MKRN2OS: variants seen among roughly 807,000 people sequenced by gnomAD.
The protein encoded by MKRN2OS is MKRN2 opposite strand protein.
MKRN2OS carries 17 observed loss-of-function variants against 18.2 expected under a neutral mutation model. The ratio of observed to expected loss-of-function variants is 0.93; its 90% CI spans 0.64 to 1.40. The LOEUF (loss-of-function observed/expected upper bound fraction) is 1.40, where lower values mean the gene tolerates loss of function less well. MKRN2OS is among the 40% of genes most tolerant of loss of function. The probability of loss-of-function intolerance (pLI) is 0.00; values close to 1 mark genes in which losing one functional copy is unlikely to be tolerated. For missense variants in MKRN2OS, 337 were observed against 283.0 expected, an observed-to-expected ratio of 1.19 and a Z score of -1.37; for synonymous variants, 121 against 108.5, an observed-to-expected ratio of 1.12 and a Z score of -0.72.
At chr3:12,550,672 G>C (rs1390232834), downstream of MKRN2OS, among the ~76,000 whole-genome samples, 1 of 152,116 alleles carries the variant, frequency 6.6e-6, no homozygotes, top group Non-Finnish European at 1.5e-5. Flanking sequence ...TTTCACTGCT[G>C]CTGTAAAACT....
At chr3:12,542,731 A>C (rs970223807) in intron 2 of MKRN2OS, among the ~76,000 whole-genome samples, 19 of 151,808 alleles carry the variant, frequency 1.3e-4, no homozygotes, top group African/African-American at 1.7e-4. Context: ...AAAAAAAAAA[A>C]AAACACTGCA....
At chr3:12,542,321 G>A (rs1355068775) in intron 2 of MKRN2OS, among the ~76,000 whole-genome samples, 3 of 152,122 alleles carry the variant, frequency 2.0e-5, no homozygotes, top group African/African-American at 7.2e-5. Context: ...ATAGGCACCA[G>A]GATCATCATC....
intron 3 of MKRN2OS, among the ~76,000 whole-genome samples, chr3:12,541,610 GA>G (rs892913709): frequency 6.6e-6 from 1 of 152,162 alleles, no homozygotes; most frequent in African/African-American, 2.4e-5. Context: ...TAAAATAACT[GA>G]ATACAGGTTC....
At chr3:12,542,711 T>TAA (rs544900301) in intron 2 of MKRN2OS, among the ~76,000 whole-genome samples, 1,505 of 108,914 alleles carry the variant, frequency 0.014, 20 homozygotes, top group Non-Finnish European at 0.019. Context: ...TCACTTTCCT[T>TAA]AAAAAAAAAA....
intron 1 of MKRN2OS, among the ~76,000 whole-genome samples, chr3:12,544,077 A>T (rs961660098): frequency 1.3e-5 from 2 of 152,122 alleles, no homozygotes; most frequent in East Asian, 3.9e-4. Flanking sequence ...TTTAGCACCT[A>T]ACAGTATGAC....
At chr3:12,556,261 G>A (rs1261638860) in intron 1 of MKRN2OS, among the ~76,000 whole-genome samples, 2 of 150,998 alleles carry the variant, frequency 1.3e-5, no homozygotes, top group African/African-American at 2.4e-5. Context: ...AGAGGCAGGA[G>A]AATCGCTTGA....
intron 1 of MKRN2OS, chr3:12,557,229 G>T: frequency 6.6e-7 from 1 of 1,518,134 alleles, no homozygotes; most frequent in African/African-American, 1.4e-5. Context: ...CCGCAGGGGG[G>T]CCGGTGCGCG....
downstream of MKRN2OS, among the ~76,000 whole-genome samples, chr3:12,553,012 T>A: frequency 1.7e-5 from 1 of 58,438 alleles, no homozygotes; most frequent in African/African-American, 8.8e-5. Flanking sequence ...TGAGACCCGG[T>A]CTCCAAAAAA....
chr3:12,543,563 G>A (rs901925283), intron 1 of MKRN2OS, among the ~76,000 whole-genome samples: 2 of 151,826 alleles, frequency 1.3e-5, no homozygotes, highest in African/African-American at 4.8e-5. Context: ...CTCCACCCTG[G>A]GGGATAGAAC....
chr3:12,544,549 G>A (rs988302276), intron 1 of MKRN2OS, among the ~76,000 whole-genome samples: 20 of 151,996 alleles, frequency 1.3e-4, no homozygotes, highest in East Asian at 7.8e-4. Context: ...GGTGGTGGGC[G>A]CCTGTAATCC....
intron 1 of MKRN2OS, chr3:12,557,020 G>T (rs2057977786): frequency 2.0e-6 from 2 of 1,001,750 alleles, no homozygotes; most frequent in Non-Finnish European, 2.6e-6. Context: ...GTGCCACACC[G>T]GAGGGGCGGC....
intron 1 of MKRN2OS, among the ~76,000 whole-genome samples, chr3:12,555,500 T>C (rs35332144): frequency 0.15 from 22,630 of 152,110 alleles, 1,842 homozygotes; most frequent in Admixed American, 0.22. Flanking sequence ...ATTGGAAGAC[T>C]CAATATTTTT....
intron 3 of MKRN2OS, 42 bp from the exon 4 acceptor site, chr3:12,540,475 C>T: frequency 6.5e-7 from 1 of 1,534,742 alleles, no homozygotes; most frequent in Non-Finnish European, 8.7e-7. Flanking sequence ...AAAGGCTGCT[C>T]AGAACAGGCT....
rs766790409 is a variant in MKRN2OS, at chr3:12,541,746, C to T, written c.431+114G>A. 124 of 1,111,208 alleles carry T rather than the reference C, an allele frequency of 1.1e-4. 3 individuals carry two copies. In the South Asian group the frequency reaches 1.3e-3, roughly 12 times the overall value. The allele number at this position is 1,111,208 out of a possible 1,614,324, so 68.8% of individuals were successfully genotyped here. A position where few individuals can be genotyped will look rare whatever the true frequency, so the allele number is the denominator to read the frequency against. On this transcript the variant is annotated intron_variant, in intron 3 of 3. Transcript: ENST00000564146. ...GTTAGAGATGCTAATATGTCTGTATCGGCTCAACATGAAGCTAAGTGCTGC... is the reference window on the plus strand; with the variant it reads ...GTTAGAGATGCTAATATGTCTGTATTGGCTCAACATGAAGCTAAGTGCTGC...
Position 12,541,977 on chromosome 3 carries a change from T to C in MKRN2OS, c.314A>G (p.Glu105Gly), listed in dbSNP as rs1559380125. 1 of 1,535,962 alleles carries C rather than the reference T, an allele frequency of 6.5e-7. No homozygotes were observed. Among genetic ancestry groups the C allele is most frequent in the Admixed American group, 2.0e-5 (1 of 50,974 alleles). ...GATGCTTATGCTCTCTTCCCACCCT[T>C]CTCCGTCTCGCTGGACACCATGTGC... ...YSAHGVQRDG[E>G]GWEESISIPL... Residue 105 changes from glutamate to glycine, a missense_variant, in exon 3 of 4, where the codon GAA becomes GGA. Glu to Gly is a moderately conservative substitution (Grantham distance 98, BLOSUM62 -2). Coordinates refer to ENST00000564146, the MANE Select transcript of MKRN2OS (RefSeq NM_001195279.2).
chr3:12,557,026 G>A, intron 1 of MKRN2OS: 1 of 1,044,186 alleles, frequency 9.6e-7, no homozygotes, highest in Non-Finnish European at 1.2e-6. Context: ...CACCGGAGGG[G>A]CGGCGTGCGC....
upstream of MKRN2OS, among the ~76,000 whole-genome samples, chr3:12,548,051 T>C (rs1199665983): frequency 1.3e-5 from 2 of 152,174 alleles, no homozygotes; most frequent in African/African-American, 4.8e-5. Context: ...GGCTCACGCC[T>C]GAAATCCCAG....
rs780707884 is a variant in MKRN2OS, at chr3:12,545,279, G to T, written c.186C>A (p.Phe62Leu). ...FTNGHQEKCS[F>L]LLRPTQGTFL... Reference sequence around the variant, plus strand: ...ATGTCCCCTGAGTTGGTCTGAGGAGGAATGAACATTTTTCTTGATGTCCAT... The same window carrying T: ...ATGTCCCCTGAGTTGGTCTGAGGAGTAATGAACATTTTTCTTGATGTCCAT... Residue 62 changes from phenylalanine (F) to leucine (L), a missense_variant, in exon 1 of 4, where the codon TTC (phenylalanine) becomes TTA (leucine). Coordinates refer to ENST00000564146, the MANE Select transcript of MKRN2OS (RefSeq NM_001195279.2). The T allele has an allele frequency of 2.8e-5, 43 of 1,535,844 alleles. No homozygotes were observed. Among genetic ancestry groups the T allele is most frequent in the Non-Finnish European group, 3.5e-5 (40 of 1,146,818 alleles).
chr3:12,557,464 A>G (rs2255648), intron 1 of MKRN2OS, among the ~76,000 whole-genome samples: 84,840 of 152,216 alleles, frequency 0.56, 25,962 homozygotes, highest in African/African-American at 0.81. Context: ...AGGGCCGTGC[A>G]GGATGCCGGG....
Sources: gnomAD v4.1 joint callset for allele counts (sites outside exome capture counted in the v4.1 genomes callset) on GRCh38, gnomAD v4.1.1 for gene constraint, MANE v1.5 for transcripts, NCBI Gene and HGNC (gene_info 2026-07-23, HGNC 2026-07-21) for gene names.